FBLN2: variants seen among roughly 807,000 people sequenced by gnomAD.
The protein encoded by FBLN2 is fibulin-2.
In FBLN2, 81 loss-of-function variants were observed where a neutral mutation model predicts 123.7. The ratio of observed to expected loss-of-function variants is 0.65; its 90% CI spans 0.55 to 0.79. The LOEUF is 0.79. Ranked by LOEUF, FBLN2 falls within the 30% of genes least tolerant of loss-of-function variation. The pLI, the probability that FBLN2 is intolerant of heterozygous loss-of-function variation, is 0.00. For missense variants in FBLN2, 1,603 were observed against 1,681.3 expected, an observed-to-expected ratio of 0.95 and a Z score of 0.81; for synonymous variants, 699 against 701.4, an observed-to-expected ratio of 1.00 and a Z score of 0.05.
At chr3:13,577,875 C>T (rs1704200662) in intron 2 of FBLN2, among the ~76,000 whole-genome samples, 1 of 152,226 alleles carries the variant, frequency 6.6e-6, no homozygotes, top group Admixed American at 6.5e-5. Context: ...GCAAGTTTCA[C>T]CCTGTGGCAA....
Position 13,627,730 on chromosome 3 carries a change from A to G in FBLN2, c.2432-102A>G, listed in dbSNP as rs1706097343. The stretch of plus-strand genomic sequence containing the variant: ...GCTTCCCAGGGAGATCTTTGTGGCC[A>G]TCAGGGTCATGGGTCTGAGGGCGGG... On this transcript the variant is annotated intron_variant, in intron 10 of 17. Transcript: ENST00000404922. 8 of 1,391,792 alleles carry G rather than the reference A, an allele frequency of 5.7e-6. No individual in the cohort carries two copies. In the South Asian group the frequency reaches 6.2e-5, roughly 11 times the overall value. The allele number at this position is 1,391,792 out of a possible 1,614,324, so 86.2% of individuals were successfully genotyped here.
chr3:13,596,789 T>C, intron 2 of FBLN2, among the ~76,000 whole-genome samples: 1 of 152,274 alleles, frequency 6.6e-6, no homozygotes, highest in East Asian at 1.9e-4. Context: ...AAGGACCCCA[T>C]ACAAGTGGAA....
intron 2 of FBLN2, among the ~76,000 whole-genome samples, chr3:13,572,417 G>A (rs1226497324): frequency 6.6e-6 from 1 of 152,236 alleles, no homozygotes; most frequent in East Asian, 1.9e-4. Context: ...ACTGGGGCTC[G>A]AGGGTGGTGC....
At position 13,628,944 on chromosome 3, in the gene FBLN2, C is replaced by T. The variant is rs199709261; in HGVS notation, c.2609C>T (p.Pro870Leu). The T allele has an allele frequency of 9.0e-5, 146 of 1,613,624 alleles. No homozygotes were observed. The East Asian group carries it at 3.2e-3, about 35-fold the overall frequency. ...ECTSLSEPCR[P>L]GFSCINTVGS... ...ACGTCACTGTCCGAGCCATGTCGGC[C>T]AGGCTTCAGCTGCATCAACACGGTG... The change falls in exon 12 of 18, where the codon CCA (proline) becomes CTA (leucine). Residue 870 changes from proline (P) to leucine (L), a missense_variant. Physicochemically the swap from Pro to Leu is moderately conservative, Grantham distance 98. Coordinates refer to ENST00000404922, the MANE Select transcript of FBLN2 (RefSeq NM_001004019.2).
chr3:13,554,319 C>T (rs1703406877), intron 1 of FBLN2, among the ~76,000 whole-genome samples: 1 of 152,162 alleles, frequency 6.6e-6, no homozygotes, highest in African/African-American at 2.4e-5. Flanking sequence ...GATCGGGGTA[C>T]CCCAGTGCTT....
At chr3:13,606,800 C>T (rs763003353) in intron 2 of FBLN2, among the ~76,000 whole-genome samples, 5 of 146,094 alleles carry the variant, frequency 3.4e-5, no homozygotes, top group African/African-American at 7.6e-5. Context: ...TACAGGCATG[C>T]GCCACCATGC....
intron 15 of FBLN2, among the ~76,000 whole-genome samples, chr3:13,631,016 TA>T (rs745888053): frequency 9.2e-5 from 14 of 152,280 alleles, no homozygotes; most frequent in Middle Eastern, 3.4e-3. Context: ...TCCTCCTCTG[TA>T]AAATGGGAAG....
chr3:13,607,815 G>C lies in FBLN2; in HGVS notation c.1307-247G>C, dbSNP rs181952908. 3.5e-3 allele frequency among the ~76,000 whole-genome samples: 529 copies of C among 152,222 alleles called. 4 individuals carry two copies. Among genetic ancestry groups the C allele is most frequent in the African/African-American group, 0.01 (427 of 41,528 alleles). On this transcript the variant is annotated intron_variant, in intron 2 of 17. Coordinates refer to ENST00000404922, the MANE Select transcript of FBLN2 (RefSeq NM_001004019.2). Reference sequence around the variant, plus strand: ...ATAGAACTGGCTGCTTTGAGAGTGGGGGCTGAGCTCTGGCCCCATGTTAAC... The same window carrying C: ...ATAGAACTGGCTGCTTTGAGAGTGGCGGCTGAGCTCTGGCCCCATGTTAAC...
In FBLN2 at chr3:13,629,846, G is replaced by T. The variant is rs1289346787; in HGVS notation, c.2869G>T (p.Gly957Cys). 2 of 1,583,244 alleles carry T rather than the reference G, an allele frequency of 1.3e-6. No homozygotes were observed. The highest frequency in any genetic ancestry group is 2.7e-5 in the African/African-American group (2 of 74,142). The change falls in exon 14 of 18, where the codon GGC becomes TGC. Residue 957 changes from glycine to cysteine, a missense_variant. By Grantham distance (159) the Gly-to-Cys change is radical. Coordinates refer to ENST00000404922, the MANE Select transcript of FBLN2 (RefSeq NM_001004019.2). ...IDVNECWASP[G>C]RLCQHTCENT... ...CGTGAATGAGTGCTGGGCCTCGCCA[G>T]GCCGCCTGTGCCAGCACACGTGTGA...
At chr3:13,606,658 ATT>A (rs58421710) in intron 2 of FBLN2, among the ~76,000 whole-genome samples, 193 of 150,802 alleles carry the variant, frequency 1.3e-3, no homozygotes, top group Non-Finnish European at 2.1e-3. Context: ...TATATACTGT[ATT>A]TTTTTTTTGA....
chr3:13,613,848 C>G (rs887748793), intron 4 of FBLN2, 136 bp from the exon 5 acceptor site: 1 of 955,760 alleles, frequency 1.0e-6, no homozygotes, highest in Admixed American at 3.0e-5. Context: ...GAGGACCCCT[C>G]TGCCCTGGGA....
chr3:13,629,372 C>T, intron 13 of FBLN2, 80 bp downstream of exon 13: 1 of 1,476,012 alleles, frequency 6.8e-7, no homozygotes, highest in Non-Finnish European at 9.0e-7. Context: ...TCCCCATGCC[C>T]AGCACCTCCA....
chr3:13,554,312 C>T (rs755489110), intron 1 of FBLN2, among the ~76,000 whole-genome samples: 9 of 152,170 alleles, frequency 5.9e-5, no homozygotes, highest in Non-Finnish European at 1.0e-4. Flanking sequence ...GGCTTGTGAT[C>T]GGGGTACCCC....
intron 2 of FBLN2, 53 bp from the exon 3 acceptor site, chr3:13,608,009 G>C: frequency 6.9e-7 from 1 of 1,444,488 alleles, no homozygotes; most frequent in Non-Finnish European, 9.5e-7. Flanking sequence ...CTGCATATCT[G>C]CTGGACTTGG....
At chr3:13,637,122 A>C (rs1273878459) in intron 17 of FBLN2, among the ~76,000 whole-genome samples, 1 of 152,144 alleles carries the variant, frequency 6.6e-6, no homozygotes, top group Non-Finnish European at 1.5e-5. Flanking sequence ...TAACCTCAGA[A>C]CTGACAGACC....
chr3:13,579,521 C>T (rs184210321), intron 2 of FBLN2, among the ~76,000 whole-genome samples: 82 of 152,348 alleles, frequency 5.4e-4, no homozygotes, highest in Non-Finnish European at 9.8e-4. Flanking sequence ...GGTGCGTGCA[C>T]GTATTTTCAC....
intron 16 of FBLN2, among the ~76,000 whole-genome samples, chr3:13,634,266 T>C (rs3773253): frequency 0.23 from 35,048 of 152,262 alleles, 4,276 homozygotes; most frequent in South Asian, 0.33. Context: ...GATGAGGCTG[T>C]GATGGCAGCC....
chr3:13,634,319 C>T (rs1006958461), intron 16 of FBLN2, among the ~76,000 whole-genome samples: 2 of 152,290 alleles, frequency 1.3e-5, no homozygotes, highest in Non-Finnish European at 2.9e-5. Flanking sequence ...AGCCTGCGCT[C>T]TCCAGGGGCC....
chr3:13,614,769 C>T (rs978639086), intron 5 of FBLN2, among the ~76,000 whole-genome samples: 16 of 151,806 alleles, frequency 1.1e-4, no homozygotes, highest in African/African-American at 3.9e-4. Flanking sequence ...ATCCACTCAT[C>T]CATCCGTTTG....
Sources: gnomAD v4.1 joint callset for allele counts (sites outside exome capture counted in the v4.1 genomes callset) on GRCh38, gnomAD v4.1.1 for gene constraint, MANE v1.5 for transcripts, NCBI Gene and HGNC (gene_info 2026-07-23, HGNC 2026-07-21) for gene names.